LDB3: variants seen among roughly 807,000 people sequenced by gnomAD.
LDB3 encodes the protein LIM domain binding 3.
A neutral mutation model predicts 69.0 loss-of-function variants in LDB3; 49 were observed. The ratio of observed to expected loss-of-function variants is 0.71; its 90% CI spans 0.56 to 0.90. The LOEUF (loss-of-function observed/expected upper bound fraction) is 0.90, where lower values mean the gene tolerates loss of function less well. Among genes scored for constraint, LDB3 ranks in the 40% least tolerant of loss-of-function variants. The pLI is 0.00. For missense variants in LDB3, 928 were observed against 974.1 expected, an observed-to-expected ratio of 0.95 and a Z score of 0.63; for synonymous variants, 387 against 396.2, an observed-to-expected ratio of 0.98 and a Z score of 0.28.
intron 7 of LDB3, among the ~76,000 whole-genome samples, chr10:86,705,910 G>T (rs956864331): frequency 1.3e-5 from 2 of 152,100 alleles, no homozygotes; most frequent in African/African-American, 4.8e-5. Context: ...TTGAAAAGGG[G>T]CACAGGGGCT....
intron 2 of LDB3, among the ~76,000 whole-genome samples, chr10:86,672,381 C>T (rs1589605527): frequency 6.6e-6 from 1 of 152,214 alleles, no homozygotes; most frequent in African/African-American, 2.4e-5. Flanking sequence ...CAGTATTTAT[C>T]AGACTCTCCC....
intron 1 of LDB3, 23 bp from the exon 2 acceptor site, chr10:86,668,646 C>T (rs1261216949): frequency 7.4e-6 from 11 of 1,490,478 alleles, no homozygotes; most frequent in Non-Finnish European, 9.4e-6. Flanking sequence ...TCTCACTCAA[C>T]CCTCTCTACC....
At chr10:86,705,029 T>C (rs1846394211) in intron 7 of LDB3, among the ~76,000 whole-genome samples, 1 of 152,242 alleles carries the variant, frequency 6.6e-6, no homozygotes, top group Admixed American at 6.5e-5. Context: ...GTAATTTCTT[T>C]TACTGTGGTA....
At chr10:86,697,537 TTTTC>T (rs1281094520) in intron 7 of LDB3, among the ~76,000 whole-genome samples, 5 of 147,718 alleles carry the variant, frequency 3.4e-5, no homozygotes, top group Admixed American at 6.7e-5. Flanking sequence ...TTTTTTTTCT[TTTTC>T]TTTCTTTCTT....
At chr10:86,725,440 T>A in intron 12 of LDB3, among the ~76,000 whole-genome samples, 1 of 152,380 alleles carries the variant, frequency 6.6e-6, no homozygotes, top group African/African-American at 2.4e-5. Flanking sequence ...ATTCATTCCC[T>A]ATATATGTTT....
chr10:86,674,027 ACAG>A (rs1298067654), intron 2 of LDB3, among the ~76,000 whole-genome samples: 1 of 152,030 alleles, frequency 6.6e-6, no homozygotes, highest in Non-Finnish European at 1.5e-5. Flanking sequence ...CCCTCTAGGG[ACAG>A]CAGGCTGGCT....
chr10:86,683,639 TA>T (rs1564636703), intron 5 of LDB3, among the ~76,000 whole-genome samples: 1 of 152,188 alleles, frequency 6.6e-6, no homozygotes, highest in African/African-American at 2.4e-5. Flanking sequence ...GATGGTGGGC[TA>T]GGGGAGGATG....
intron 8 of LDB3, among the ~76,000 whole-genome samples, chr10:86,707,986 G>A: frequency 6.6e-6 from 1 of 152,232 alleles, no homozygotes; most frequent in East Asian, 1.9e-4. Context: ...TTTTGAGTGG[G>A]AAGAAGCCTC....
intron 4 of LDB3, among the ~76,000 whole-genome samples, chr10:86,680,490 G>C (rs562552534): frequency 6.6e-6 from 1 of 152,228 alleles, no homozygotes; most frequent in Non-Finnish European, 1.5e-5. Flanking sequence ...CAGGGGACGA[G>C]CGTCCAGGCT....
At chr10:86,711,314 TTCC>T (rs1252212674) in intron 9 of LDB3, among the ~76,000 whole-genome samples, 1 of 151,810 alleles carries the variant, frequency 6.6e-6, no homozygotes, top group East Asian at 2.0e-4. Context: ...CTGCGTCTCC[TTCC>T]TCCTCCTTCC....
At chr10:86,705,219 A>G (rs1053988711) in intron 7 of LDB3, among the ~76,000 whole-genome samples, 1 of 152,202 alleles carries the variant, frequency 6.6e-6, no homozygotes, top group African/African-American at 2.4e-5. Flanking sequence ...TCTTACTGAT[A>G]AGTTGTAGGA....
chr10:86,729,620 G>A (rs1007241958), intron 13 of LDB3, among the ~76,000 whole-genome samples: 1 of 152,174 alleles, frequency 6.6e-6, no homozygotes. Flanking sequence ...CTGGGGGTTG[G>A]ACCATCCCTG....
At chr10:86,707,564 T>C (rs2132460877) in intron 8 of LDB3, among the ~76,000 whole-genome samples, 1 of 152,174 alleles carries the variant, frequency 6.6e-6, no homozygotes, top group East Asian at 1.9e-4. Flanking sequence ...TGGGGCCAGC[T>C]CTCTGTCTGG....
chr10:86,679,600 G>T, intron 3 of LDB3, 82 bp downstream of exon 3: 1 of 1,473,338 alleles, frequency 6.8e-7, no homozygotes. Flanking sequence ...TTGTCCCATA[G>T]CAATTGAGTG....
At chr10:86,684,780 G>GC (rs1347256349) in intron 5 of LDB3, among the ~76,000 whole-genome samples, 1 of 152,214 alleles carries the variant, frequency 6.6e-6, no homozygotes, top group Admixed American at 6.5e-5. Context: ...TGGGGACAGA[G>GC]CCCCCCACCT....
At chr10:86,678,151 G>A (rs910250035) in intron 2 of LDB3, among the ~76,000 whole-genome samples, 4 of 150,580 alleles carry the variant, frequency 2.7e-5, no homozygotes, top group Admixed American at 6.6e-5. Flanking sequence ...GAGTTCAAGC[G>A]ATTCTCCTGC....
At chr10:86,689,067 G>A (rs886624780) in intron 5 of LDB3, among the ~76,000 whole-genome samples, 5 of 151,784 alleles carry the variant, frequency 3.3e-5, no homozygotes, top group African/African-American at 4.8e-5. Flanking sequence ...TGGCCATAAC[G>A]TGCTCCCATT....
chr10:86,718,809 T>G lies in LDB3; in HGVS notation c.1940T>G (p.Leu647Arg). ...TGCAAGAAGCCTTTTGGGAACAGCC[T>G]CTTCCACATGGAAGACGGGGAGCCC... is the stretch of plus-strand genomic sequence containing the variant. ...AACKKPFGNS[L>R]FHMEDGEPYC... Residue 647 changes from leucine to arginine, a missense_variant, in exon 12 of 14, where the codon CTC (leucine) becomes CGC (arginine). Coordinates refer to ENST00000361373, the MANE Select transcript of LDB3 (RefSeq NM_007078.3). 2 of 1,614,222 alleles carry G rather than the reference T, an allele frequency of 1.2e-6. No homozygotes were observed. The highest frequency in any genetic ancestry group is 3.3e-5 in the Admixed American group (2 of 60,032).
chr10:86,667,413 G>T (rs2132316775), upstream of LDB3, among the ~76,000 whole-genome samples: 1 of 152,308 alleles, frequency 6.6e-6, no homozygotes. Context: ...CCACATAGGG[G>T]CCTGAGGTCT....
Sources: allele counts gnomAD v4.1 joint callset (sites outside exome capture counted in the v4.1 genomes callset), GRCh38; gene constraint gnomAD v4.1.1; transcripts MANE v1.5; gene names NCBI Gene and HGNC (gene_info 2026-07-23, HGNC 2026-07-21).